GPRIN3: variants seen among roughly 807,000 people sequenced by gnomAD.
GPRIN3 encodes G protein-regulated inducer of neurite outgrowth 3.
In GPRIN3, 12 loss-of-function variants were observed where a neutral mutation model predicts 13.7. That is an observed-to-expected ratio of 0.87 (90% CI 0.56 to 1.42). The LOEUF is 1.42. Among genes scored for constraint, GPRIN3 ranks in the 40% most tolerant of loss-of-function variants. GPRIN3 has a pLI of 0.00. For synonymous variants in GPRIN3, 377 were observed against 372.7 expected (o/e 1.01, Z -0.13); for missense variants, 1,009 against 958.7 (o/e 1.05, Z -0.69).
In GPRIN3 at chr4:89,238,583, CAACACACACACAACGCACA is replaced by C. The variant is rs1242478902; in HGVS notation, c.*9178_*9196del. On this transcript the variant is annotated 3_prime_UTR_variant, in exon 2 of 2. Coordinates refer to ENST00000609438, the MANE Select transcript of GPRIN3 (RefSeq NM_198281.3). ...CTCAGCTCTCATCATTCTCACCAAA[CAACACACACACAACGCACA>C]AACACACACACACTCTGCTCTACCA... The C allele has an allele frequency of 6.8e-6, 1 of 146,090 alleles. No homozygotes were observed. The highest frequency in any genetic ancestry group is 1.5e-5 in the Non-Finnish European group (1 of 66,576). 9.0% of individuals were successfully genotyped at this position (146,090 alleles called of 1,614,324 possible). A position where few individuals can be genotyped will look rare whatever the true frequency, so the allele number is the denominator to read the frequency against.
chr4:89,258,344 G>T (rs1469619011), intron 1 of GPRIN3, among the ~76,000 whole-genome samples: 1 of 151,748 alleles, frequency 6.6e-6, no homozygotes, highest in East Asian at 2.0e-4. Flanking sequence ...AGTCTCCCGA[G>T]TAGCTAGGAT....
At chr4:89,255,845 A>G (rs1201420957) in intron 1 of GPRIN3, among the ~76,000 whole-genome samples, 1 of 152,234 alleles carries the variant, frequency 6.6e-6, no homozygotes, top group Non-Finnish European at 1.5e-5. Flanking sequence ...TCTCTGTAAC[A>G]TTATAAATTC....
At chr4:89,276,467 T>C (rs1037656448) in intron 1 of GPRIN3, among the ~76,000 whole-genome samples, 3 of 152,232 alleles carry the variant, frequency 2.0e-5, no homozygotes, top group Non-Finnish European at 2.9e-5. Flanking sequence ...ATCATTTATA[T>C]GTGCAGAGAG....
chr4:89,300,362 T>G (rs1016164655), intron 1 of GPRIN3, among the ~76,000 whole-genome samples: 1 of 152,072 alleles, frequency 6.6e-6, no homozygotes, highest in African/African-American at 2.4e-5. Context: ...CATTGAGAAG[T>G]GGGGACTACA....
chr4:89,261,748 T>C (rs972187440), intron 1 of GPRIN3, among the ~76,000 whole-genome samples: 1 of 152,188 alleles, frequency 6.6e-6, no homozygotes, highest in African/African-American at 2.4e-5. Flanking sequence ...AGAAGTTAGT[T>C]ATAAAAATTA....
chr4:89,291,147 G>A (rs952478516), intron 1 of GPRIN3, among the ~76,000 whole-genome samples: 2 of 152,048 alleles, frequency 1.3e-5, no homozygotes, highest in African/African-American at 4.8e-5. Context: ...CTAGGAGGAC[G>A]CTATATTCCT....
chr4:89,292,307 T>C (rs941431060), intron 1 of GPRIN3, among the ~76,000 whole-genome samples: 3 of 152,236 alleles, frequency 2.0e-5, no homozygotes, highest in Admixed American at 6.5e-5. Flanking sequence ...GATTTCTGTT[T>C]TCTTGCTTTA....
intron 1 of GPRIN3, among the ~76,000 whole-genome samples, chr4:89,295,840 A>AT (rs962524355): frequency 2.0e-5 from 3 of 151,604 alleles, no homozygotes; most frequent in Admixed American, 6.6e-5. Flanking sequence ...TATCTAAACC[A>AT]TTTTTTTTAA....
In GPRIN3 at chr4:89,249,479, T is replaced by C. The variant is rs1180718638; in HGVS notation, c.632A>G (p.His211Arg). The change falls in exon 2 of 2, where the codon CAC becomes CGC. Residue 211 changes from histidine (H) to arginine (R), a missense_variant. By Grantham distance (29) the His-to-Arg change is conservative. Transcript: ENST00000609438. ...AGGTCCACCTACAGGAGAGGATGAG[T>C]GACTGACCACCCTGGCTGCTGTCAC... The part of the protein sequence containing the change: ...TPVTAARVVS[H>R]SSSPVGGPEG... The C allele has an allele frequency of 6.2e-7, 1 of 1,614,060 alleles. No individual in the cohort carries two copies. The highest frequency in any genetic ancestry group is 8.5e-7 in the Non-Finnish European group (1 of 1,180,004).
intron 1 of GPRIN3, among the ~76,000 whole-genome samples, chr4:89,304,965 A>C (rs1003198372): frequency 6.6e-6 from 1 of 152,238 alleles, no homozygotes; most frequent in African/African-American, 2.4e-5. Flanking sequence ...TTGTAAATTA[A>C]GGTAAATATA....
rs544729101 is a variant in GPRIN3, at chr4:89,303,738, T to A, written c.-124+3877A>T. 4.0e-5 allele frequency among the ~76,000 whole-genome samples: 6 copies of A among 150,176 alleles called. No homozygotes were observed. In the South Asian group the frequency reaches 1.3e-3, roughly 31 times the overall value. On this transcript the variant is annotated intron_variant, in intron 1 of 1. Transcript: ENST00000609438. ...CCGTCACCATTTTACATTTTATGTA[T>A]ATACATGTATACCATTATATATATT...
intron 1 of GPRIN3, among the ~76,000 whole-genome samples, chr4:89,262,813 C>A (rs1723670275): frequency 6.6e-6 from 1 of 152,160 alleles, no homozygotes; most frequent in African/African-American, 2.4e-5. Flanking sequence ...TCTGCCCTGC[C>A]CACCCTCCGC....
At chr4:89,289,404 T>C (rs1252194292) in intron 1 of GPRIN3, among the ~76,000 whole-genome samples, 2 of 152,082 alleles carry the variant, frequency 1.3e-5, no homozygotes, top group Non-Finnish European at 2.9e-5. Context: ...TTTTGACAGC[T>C]TTTGTCCCTT....
At chr4:89,296,982 C>T (rs527237859) in intron 1 of GPRIN3, among the ~76,000 whole-genome samples, 1 of 152,256 alleles carries the variant, frequency 6.6e-6, no homozygotes, top group Non-Finnish European at 1.5e-5. Context: ...TGAGTCCTTA[C>T]ATTTTGACCC....
At chr4:89,258,974 G>A (rs926954665) in intron 1 of GPRIN3, among the ~76,000 whole-genome samples, 6 of 152,270 alleles carry the variant, frequency 3.9e-5, no homozygotes, top group East Asian at 1.9e-4. Flanking sequence ...ATAAACAATC[G>A]TGAGTTATTA....
At chr4:89,304,419 C>G (rs892163170) in intron 1 of GPRIN3, among the ~76,000 whole-genome samples, 3 of 151,652 alleles carry the variant, frequency 2.0e-5, no homozygotes, top group African/African-American at 7.3e-5. Context: ...CACACACATA[C>G]GTATATATAT....
intron 1 of GPRIN3, among the ~76,000 whole-genome samples, chr4:89,280,083 T>C (rs1724203429): frequency 6.6e-6 from 1 of 152,208 alleles, no homozygotes; most frequent in Non-Finnish European, 1.5e-5. Flanking sequence ...TGCCAGAAAC[T>C]TCAAAGTCAT....
At chr4:89,262,285 G>A (rs1723653073) in intron 1 of GPRIN3, among the ~76,000 whole-genome samples, 1 of 152,012 alleles carries the variant, frequency 6.6e-6, no homozygotes. Context: ...AGAGAAAAAT[G>A]AGTATCTTTG....
rs762828651 is a variant in GPRIN3, at chr4:89,249,647, A to T, written c.464T>A (p.Leu155Gln). Reference protein sequence around the residue: ...AITSSMPEDSLMRSQRTSNRE... With the variant: ...AITSSMPEDSQMRSQRTSNRE... ...ATTTGAGGTTCTCTGTGATCTCATC[A>T]GGGAATCTTCAGGCATGGATGAGGT... The change falls in exon 2 of 2, where the codon CTG (leucine) becomes CAG (glutamine). Residue 155 changes from leucine to glutamine, a missense_variant. Physicochemically the swap from Leu to Gln is moderately radical, Grantham distance 113. Coordinates refer to ENST00000609438, the MANE Select transcript of GPRIN3 (RefSeq NM_198281.3). 7.4e-6 allele frequency: 12 copies of T among 1,614,054 alleles called. No individual in the cohort carries two copies. The South Asian group carries it at 9.9e-5, about 13-fold the overall frequency.
Sources: allele counts gnomAD v4.1 joint callset (sites outside exome capture counted in the v4.1 genomes callset), GRCh38; gene constraint gnomAD v4.1.1; transcripts MANE v1.5; gene names NCBI Gene and HGNC (gene_info 2026-07-23, HGNC 2026-07-21).